The following SH3GL2 variants were observed in gnomAD, a reference collection of about 807,000 sequenced individuals.
SH3GL2 encodes the protein SH3 domain containing GRB2 like 2, endophilin A1.
A neutral mutation model predicts 46.0 loss-of-function variants in SH3GL2; 24 were observed. The observed-to-expected ratio is 0.52, with a 90% CI of 0.38 to 0.73. The LOEUF (loss-of-function observed/expected upper bound fraction) is 0.73, where lower values mean the gene tolerates loss of function less well. Among genes scored for constraint, SH3GL2 ranks in the 30% least tolerant of loss-of-function variants. The pLI is 0.00. For missense variants in SH3GL2, 413 were observed against 424.2 expected, an observed-to-expected ratio of 0.97 and a Z score of 0.23; for synonymous variants, 196 against 147.1, an observed-to-expected ratio of 1.33 and a Z score of -2.40.
chr9:17,590,212 A>G (rs1588159481), intron 1 of SH3GL2: 2 of 152,190 alleles, frequency 1.3e-5, no homozygotes, highest in Non-Finnish European at 2.9e-5. Context: ...GGCTGAATTT[A>G]TACCATTCAT....
At chr9:17,598,841 C>T (rs1818619112) in intron 1 of SH3GL2, among the ~76,000 whole-genome samples, 1 of 152,150 alleles carries the variant, frequency 6.6e-6, no homozygotes, top group Non-Finnish European at 1.5e-5. Context: ...AACTAAGGCA[C>T]AGGGAAGTGT....
chr9:17,698,217 A>G (rs182833641), intron 1 of SH3GL2, among the ~76,000 whole-genome samples: 13 of 152,298 alleles, frequency 8.5e-5, no homozygotes, highest in Admixed American at 3.9e-4. Context: ...ACTTTGGTCA[A>G]CATCTTAAGG....
At chr9:17,639,285 G>A (rs1467881126) in intron 1 of SH3GL2, among the ~76,000 whole-genome samples, 1 of 152,166 alleles carries the variant, frequency 6.6e-6, no homozygotes, top group Non-Finnish European at 1.5e-5. Flanking sequence ...TAAACTGGGA[G>A]AAAATATTGT....
At chr9:17,651,746 G>T (rs1415380510) in intron 1 of SH3GL2, among the ~76,000 whole-genome samples, 2 of 152,120 alleles carry the variant, frequency 1.3e-5, no homozygotes, top group African/African-American at 4.8e-5. Flanking sequence ...CTTTAAAGAT[G>T]TTGTTTTCAT....
chr9:17,686,513 A>G (rs1820914795), intron 1 of SH3GL2, among the ~76,000 whole-genome samples: 1 of 147,556 alleles, frequency 6.8e-6, no homozygotes, highest in Admixed American at 7.2e-5. Flanking sequence ...GGCATTATCC[A>G]CAATAGCAAA....
rs575578459 is a variant in SH3GL2, at chr9:17,760,914, G to C, written c.115-523G>C. Among the ~76,000 whole-genome samples, 82 of 152,308 alleles carry C rather than the reference G, an allele frequency of 5.4e-4. 1 individual carries two copies. In the South Asian group the frequency reaches 0.015, roughly 27 times the overall value. On this transcript the variant is annotated intron_variant, in intron 2 of 8. Coordinates refer to ENST00000380607, the MANE Select transcript of SH3GL2 (RefSeq NM_003026.5). ...GAGGATAGAACAAATTTGGAGGATA[G>C]ACTCTAGCATCAAGATTTTTGTTTA...
At chr9:17,590,405 A>G (rs1369794573) in intron 1 of SH3GL2, 3 of 152,312 alleles carry the variant, frequency 2.0e-5, no homozygotes, top group East Asian at 1.9e-4. Context: ...GAGATCTTCT[A>G]CTTCTGATGA....
chr9:17,615,461 C>T (rs1267353263), intron 1 of SH3GL2, among the ~76,000 whole-genome samples: 1 of 151,920 alleles, frequency 6.6e-6, no homozygotes, highest in Non-Finnish European at 1.5e-5. Context: ...TTGAGACTAT[C>T]CTGGCTAACA....
At chr9:17,784,017 A>G (rs887133890) in intron 3 of SH3GL2, among the ~76,000 whole-genome samples, 2 of 152,170 alleles carry the variant, frequency 1.3e-5, no homozygotes, top group South Asian at 2.1e-4. Context: ...TGGAGGTCTG[A>G]TGATATTTTT....
chr9:17,719,684 T>A (rs1395311728), intron 1 of SH3GL2, among the ~76,000 whole-genome samples: 7 of 152,040 alleles, frequency 4.6e-5, no homozygotes, highest in African/African-American at 1.7e-4. Flanking sequence ...TCCTGGCTAT[T>A]TGGGAGGCTG....
chr9:17,656,770 C>CAAAAAAAAAAAAAAAAAAAAAAAA (rs36079244), intron 1 of SH3GL2, among the ~76,000 whole-genome samples: 1 of 101,566 alleles, frequency 9.8e-6, no homozygotes, highest in Non-Finnish European at 1.9e-5. Flanking sequence ...GACTACATCT[C>CAAAAAAAAAAAAAAAAAAAAAAAA]AAAAAAAAAA....
chr9:17,714,098 T>G (rs1821692351), intron 1 of SH3GL2, among the ~76,000 whole-genome samples: 1 of 151,710 alleles, frequency 6.6e-6, no homozygotes. Flanking sequence ...TCATCTTGAT[T>G]AATTGAGCCC....
chr9:17,617,698 T>G (rs1473039867), intron 1 of SH3GL2, among the ~76,000 whole-genome samples: 1 of 152,222 alleles, frequency 6.6e-6, no homozygotes, highest in Non-Finnish European at 1.5e-5. Context: ...CCATAGATAC[T>G]GGAAACTAGC....
chr9:17,645,823 C>T (rs1417832620), intron 1 of SH3GL2, among the ~76,000 whole-genome samples: 2 of 152,032 alleles, frequency 1.3e-5, no homozygotes, highest in African/African-American at 4.8e-5. Context: ...TTCATTTCAA[C>T]CTTGGTGAAT....
At chr9:17,646,156 G>T (rs532608913) in intron 1 of SH3GL2, among the ~76,000 whole-genome samples, 1 of 151,454 alleles carries the variant, frequency 6.6e-6, no homozygotes, top group East Asian at 2.0e-4. Flanking sequence ...TCTTCTGCTT[G>T]ATCGATTTGG....
At chr9:17,617,876 G>A (rs1346412163) in intron 1 of SH3GL2, among the ~76,000 whole-genome samples, 2 of 152,096 alleles carry the variant, frequency 1.3e-5, no homozygotes, top group Admixed American at 6.5e-5. Flanking sequence ...GGTAGGATCA[G>A]ATATCTTGGG....
At chr9:17,739,485 A>G (rs1375514807) in intron 1 of SH3GL2, among the ~76,000 whole-genome samples, 1 of 152,130 alleles carries the variant, frequency 6.6e-6, no homozygotes, top group African/African-American at 2.4e-5. Flanking sequence ...ATGAAAATGT[A>G]TAAAATTTTT....
chr9:17,584,625 A>G (rs1818338471), intron 1 of SH3GL2, among the ~76,000 whole-genome samples: 1 of 152,250 alleles, frequency 6.6e-6, no homozygotes, highest in African/African-American at 2.4e-5. Context: ...CCTTCTCTGC[A>G]TTAATTTAGC....
Position 17,797,079 on chromosome 9 carries a change from C to T in SH3GL2, c.*1336C>T, listed in dbSNP as rs142178870. 1.3e-5 allele frequency: 2 copies of T among 152,618 alleles called. No individual in the cohort carries two copies. Among genetic ancestry groups the T allele is most frequent in the Non-Finnish European group, 2.9e-5 (2 of 68,042 alleles). 9.5% of individuals were successfully genotyped at this position (152,618 alleles called of 1,614,324 possible). On this transcript the variant is annotated 3_prime_UTR_variant, in exon 9 of 9. Transcript: ENST00000380607. ...TTACTGCTTAATGTATAAACTCTCA[C>T]CACAGGAAGCATCGCTGTTTCCAAT... is the stretch of plus-strand genomic sequence containing the variant.
Sources: gnomAD v4.1 joint callset for allele counts (sites outside exome capture counted in the v4.1 genomes callset) on GRCh38, gnomAD v4.1.1 for gene constraint, MANE v1.5 for transcripts, NCBI Gene and HGNC (gene_info 2026-07-23, HGNC 2026-07-21) for gene names.